Variants in MYBPH observed in about 807,000 individuals in gnomAD.
MYBPH encodes myosin binding protein H, also known as myosin-binding protein H.
A neutral mutation model predicts 53.6 loss-of-function variants in MYBPH; 49 were observed. The observed-to-expected ratio is 0.91, with a 90% confidence interval of 0.73 to 1.16. The LOEUF is 1.16. MYBPH is among the 50% of genes most tolerant of loss of function. The probability of loss-of-function intolerance (pLI) is 0.00; values close to 1 mark genes in which losing one functional copy is unlikely to be tolerated. For missense variants in MYBPH, 558 were observed against 624.1 expected, an observed-to-expected ratio of 0.89 and a Z score of 1.13; for synonymous variants, 239 against 249.6, an observed-to-expected ratio of 0.96 and a Z score of 0.40.
At chr1:203,169,653 T>C (rs1255190346) in intron 7 of MYBPH, among the ~76,000 whole-genome samples, 1 of 152,198 alleles carries the variant, frequency 6.6e-6, no homozygotes, top group Non-Finnish European at 1.5e-5. Context: ...ACGTTTCCTT[T>C]GGGTTTGTCG....
At chr1:203,176,409 G>A (rs1028900744), upstream of MYBPH, among the ~76,000 whole-genome samples, 1 of 152,164 alleles carries the variant, frequency 6.6e-6, no homozygotes, top group Non-Finnish European at 1.5e-5. Context: ...GGAACCCCAG[G>A]AAGGGGCACT....
At position 203,169,287 on chromosome 1, in the gene MYBPH, G is replaced by A; in HGVS notation, c.1196C>T (p.Thr399Ile). ...ADHTSTPGYS[T>I]QLFCSVRASP... is the part of the protein sequence containing the mutation. ...AGCTCGGACACTGCAGAACAACTGG[G>A]TGCTGTAGCCAGGGGTGGAGGTGTG... is the stretch of plus-strand genomic sequence containing the variant. The change falls in exon 8 of 11, where the codon ACC becomes ATC. Residue 399 changes from threonine to isoleucine, a missense_variant. Transcript: ENST00000255416. 9.3e-6 allele frequency: 15 copies of A among 1,613,410 alleles called. No homozygotes were observed. Among genetic ancestry groups the A allele is most frequent in the Non-Finnish European group, 1.3e-5 (15 of 1,179,616 alleles).
chr1:203,172,440 G>T (rs768065818), intron 3 of MYBPH, among the ~76,000 whole-genome samples: 1 of 152,146 alleles, frequency 6.6e-6, no homozygotes, highest in African/African-American at 2.4e-5. Flanking sequence ...CTTCTAGGAA[G>T]GGGAGGCCAC....
At chr1:203,172,164 C>T (rs1655713355) in intron 3 of MYBPH, 124 bp from the exon 4 acceptor site, 1 of 519,336 alleles carries the variant, frequency 1.9e-6, no homozygotes. Flanking sequence ...GTGTGCCTGG[C>T]TGCCATGGGG....
chr1:203,170,843 G>T (rs1460117048), intron 6 of MYBPH, among the ~76,000 whole-genome samples: 1 of 152,220 alleles, frequency 6.6e-6, no homozygotes, highest in African/African-American at 2.4e-5. Context: ...AACTTGAAAG[G>T]CTTCAGACAG....
At chr1:203,177,913 G>A (rs995355646), upstream of MYBPH, among the ~76,000 whole-genome samples, 2 of 152,252 alleles carry the variant, frequency 1.3e-5, no homozygotes, top group Non-Finnish European at 1.5e-5. Flanking sequence ...TGTTTTCTTC[G>A]CCTTCAGCAG....
Position 203,171,686 on chromosome 1 carries a change from G to A in MYBPH, c.598-108C>T, listed in dbSNP as rs991363382. On this transcript the variant is annotated intron_variant, in intron 4 of 10. Transcript: ENST00000255416. This position sits in a 1 kb window ranked among gnomAD's most constrained non-coding sequence, Gnocchi z 4.2. Reference sequence around the variant, plus strand: ...GTTCTCGGGGAAGCCTGTCCCACTGGCCCTTCTCAGGAGGGGCAGCAGAGG... The same window carrying A: ...GTTCTCGGGGAAGCCTGTCCCACTGACCCTTCTCAGGAGGGGCAGCAGAGG... 2 of 1,181,670 alleles carry A rather than the reference G, an allele frequency of 1.7e-6. No individual in the cohort carries two copies. The highest frequency in any genetic ancestry group is 3.2e-5 in the South Asian group (2 of 62,084). 73.2% of individuals were successfully genotyped at this position (1,181,670 alleles called of 1,614,324 possible).
chr1:203,172,163 G>A, intron 3 of MYBPH, 123 bp from the exon 4 acceptor site: 5 of 519,416 alleles, frequency 9.6e-6, no homozygotes, highest in Non-Finnish European at 1.5e-5. Context: ...GGTGTGCCTG[G>A]CTGCCATGGG....
rs759002684 is a variant in MYBPH, at chr1:203,169,072, T to C, written c.1251A>G (p.Lys417=). The part of the protein sequence containing the change: ...ASPKPKIIWM[K]NKMEIQGNPK... ...GGTTGCCCTGGATCTCCATCTTGTT[T>C]TTCATCCAGATGATCTTGGGCTGGG... The change falls in exon 9 of 11, where the codon AAA becomes AAG. Residue 417 remains lysine (K), a synonymous_variant. Transcript: ENST00000255416. 85 of 1,613,822 alleles carry C rather than the reference T, an allele frequency of 5.3e-5. No individual in the cohort carries two copies. Among genetic ancestry groups the C allele is most frequent in the Non-Finnish European group, 6.8e-5 (80 of 1,180,014 alleles).
intron 7 of MYBPH, 73 bp from the exon 8 acceptor site, chr1:203,169,462 A>C (rs1328264749): frequency 6.5e-7 from 1 of 1,533,226 alleles, no homozygotes; most frequent in Non-Finnish European, 8.8e-7. Flanking sequence ...ACTGACTATG[A>C]TTCAAGATCT....
At chr1:203,169,448 C>G (rs910513260) in intron 7 of MYBPH, 59 bp from the exon 8 acceptor site, 34 of 1,541,254 alleles carry the variant, frequency 2.2e-5, no homozygotes, top group African/African-American at 2.2e-4. Context: ...GGAGACCTGT[C>G]AGGACTGACT....
chr1:203,175,971 CA>C (rs970840293), upstream of MYBPH, among the ~76,000 whole-genome samples: 1 of 152,138 alleles, frequency 6.6e-6, no homozygotes, highest in African/African-American at 2.4e-5. Flanking sequence ...GGAGGAACCA[CA>C]AGGGCCCCTT....
chr1:203,170,644 C>T (rs912904321), intron 6 of MYBPH, among the ~76,000 whole-genome samples, 194 bp from the exon 7 acceptor site: 4 of 152,132 alleles, frequency 2.6e-5, no homozygotes, highest in African/African-American at 9.7e-5. Context: ...CTGTAGGGTC[C>T]TCAGAGAATC....
chr1:203,171,365 G>A lies in MYBPH; in HGVS notation c.793+18C>T. On this transcript the variant is annotated intron_variant, in intron 5 of 10. Coordinates refer to ENST00000255416, the MANE Select transcript of MYBPH (RefSeq NM_004997.3). The surrounding 1 kb of genome is among the most constrained non-coding windows in gnomAD (Gnocchi z 4.2). ...TCCAGGTCCCCCATGAGACAGCACTGTTCCCCTGGCTCCATACCAATCACC... is the reference window on the plus strand; with the variant it reads ...TCCAGGTCCCCCATGAGACAGCACTATTCCCCTGGCTCCATACCAATCACC... The A allele has an allele frequency of 6.2e-7, 1 of 1,606,402 alleles. No individual in the cohort carries two copies. Among genetic ancestry groups the A allele is most frequent in the Non-Finnish European group, 8.5e-7 (1 of 1,175,678 alleles).
At chr1:203,169,218 A>C (rs1435146687) in intron 8 of MYBPH, 35 bp downstream of exon 8, 2 of 1,582,090 alleles carry the variant, frequency 1.3e-6, no homozygotes, top group African/African-American at 2.7e-5. Context: ...ACCTGCCCCC[A>C]CCAGCCCAGG....
chr1:203,171,143 GC>G lies in MYBPH; in HGVS notation c.850del (p.Ala284LeufsTer133). 6.2e-7 allele frequency: 1 copy of G among 1,613,390 alleles called. No individual in the cohort carries two copies. Among genetic ancestry groups the G allele is most frequent in the Non-Finnish European group, 8.5e-7 (1 of 1,179,648 alleles). ...GTCCTGGGGTGGCGTCCACTGAAGA[GC>G]AGCATTGCAGCCCCAGACGTCCAGG... ...RLLDVWGCNA[A>X]LQWTPPQDTG... On this transcript the variant is annotated frameshift_variant, in exon 6 of 11. Coordinates refer to ENST00000255416, the MANE Select transcript of MYBPH (RefSeq NM_004997.3). LOFTEE classifies it high-confidence loss of function. This position sits in a 1 kb window ranked among gnomAD's most constrained non-coding sequence, Gnocchi z 4.2.
chr1:203,169,645 G>A (rs959896200), intron 7 of MYBPH, among the ~76,000 whole-genome samples: 1 of 152,172 alleles, frequency 6.6e-6, no homozygotes, highest in Admixed American at 6.5e-5. Flanking sequence ...GAGGTGCCAC[G>A]TTTCCTTTGG....
chr1:203,169,495 T>C (rs1655655681), intron 7 of MYBPH, 106 bp from the exon 8 acceptor site: 1 of 1,468,474 alleles, frequency 6.8e-7, no homozygotes. Context: ...TCGTGGCTTA[T>C]TTGCAGGAAC....
At position 203,171,929 on chromosome 1, in the gene MYBPH, C is replaced by A; in HGVS notation, c.597+23G>T. 1 of 1,303,538 alleles carries A rather than the reference C, an allele frequency of 7.7e-7. No individual in the cohort carries two copies. 80.7% of individuals were successfully genotyped at this position (1,303,538 alleles called of 1,614,324 possible). A position where few individuals can be genotyped will look rare whatever the true frequency, so the allele number is the denominator to read the frequency against. On this transcript the variant is annotated intron_variant, in intron 4 of 10. Transcript: ENST00000255416. This position sits in a 1 kb window ranked among gnomAD's most constrained non-coding sequence, Gnocchi z 4.2. ...GCCCTGGTTCCCACCCAGGCTGTTACCCTTGGTGGGGGTAATACCCACCTG... is the reference window on the plus strand; with the variant it reads ...GCCCTGGTTCCCACCCAGGCTGTTAACCTTGGTGGGGGTAATACCCACCTG...
Sources: gnomAD v4.1 joint callset for allele counts (sites outside exome capture counted in the v4.1 genomes callset) on GRCh38, gnomAD v4.1.1 for gene constraint, Gnocchi (gnomAD v3.1) non-coding constraint, MANE v1.5 for transcripts, NCBI Gene and HGNC (gene_info 2026-07-23, HGNC 2026-07-21) for gene names.